Variants in LARP4 observed in about 807,000 individuals in gnomAD.
LARP4 encodes la-related protein 4.
Under a neutral mutation model 92.9 loss-of-function variants are expected in LARP4, and 29 were observed. The ratio of observed to expected loss-of-function variants is 0.31; its 90% CI spans 0.23 to 0.43. The LOEUF (loss-of-function observed/expected upper bound fraction) is 0.43, where lower values mean the gene tolerates loss of function less well. Among genes scored for constraint, LARP4 ranks in the 20% least tolerant of loss-of-function variants. The pLI is 1.00. For missense variants in LARP4, 732 were observed against 860.0 expected (o/e 0.85, Z 1.86); for synonymous variants, 279 against 284.1 (o/e 0.98, Z 0.18).
chr12:50,474,002 A>C lies in LARP4; in HGVS notation c.1671A>C (p.Thr557=), dbSNP rs201071881. The change falls in exon 15 of 16, where the codon ACA becomes ACC. Residue 557 remains threonine (T), a synonymous_variant. Transcript: ENST00000398473. ...PCAAELTALS[T]TQQEKDLIED... ...TTGCAAGCTCTTTTTTCCTTAGCAC[A>C]ACTCAGCAAGAAAAGGATCTAATAG... 1.0e-4 allele frequency: 169 copies of C among 1,611,142 alleles called. No homozygotes were observed. The highest frequency in any genetic ancestry group is 1.4e-4 in the Non-Finnish European group (162 of 1,179,632).
At chr12:50,406,755 T>A (rs1477124348) in intron 1 of LARP4, among the ~76,000 whole-genome samples, 1 of 152,038 alleles carries the variant, frequency 6.6e-6, no homozygotes. Flanking sequence ...CTTGCTCTGT[T>A]GCCCAGGCTG....
Position 50,427,792 on chromosome 12 carries a change from C to A in LARP4, c.49C>A (p.Pro17Thr). The change falls in exon 2 of 16, where the codon CCT becomes ACT. Residue 17 changes from proline to threonine, a missense_variant. Around this residue, in one of 7 missense-constraint regions of LARP4, gnomAD observed 236 missense variants for 307.6 expected, o/e 0.77. Transcript: ENST00000398473. Reference sequence around the variant, plus strand: ...AGCATCTAAAGGAACTGGTTTAAATCCTAATGCCAAAGTATGGCAAGAAAT... The same window carrying A: ...AGCATCTAAAGGAACTGGTTTAAATACTAATGCCAAAGTATGGCAAGAAAT... ...QVASKGTGLN[P>T]NAKVWQEIAP... 1 of 1,596,058 alleles carries A rather than the reference C, an allele frequency of 6.3e-7. No individual in the cohort carries two copies. The highest frequency in any genetic ancestry group is 8.6e-7 in the Non-Finnish European group (1 of 1,168,288).
intron 1 of LARP4, among the ~76,000 whole-genome samples, chr12:50,406,756 G>C (rs1263674756): frequency 6.6e-6 from 1 of 152,118 alleles, no homozygotes; most frequent in Non-Finnish European, 1.5e-5. Context: ...TTGCTCTGTT[G>C]CCCAGGCTGG....
intron 13 of LARP4, among the ~76,000 whole-genome samples, chr12:50,468,559 A>C (rs1956489581): frequency 6.6e-6 from 1 of 151,928 alleles, no homozygotes; most frequent in Admixed American, 6.6e-5. Flanking sequence ...GGCCTCCCAA[A>C]GTGCTGGGAT....
chr12:50,410,105 G>C (rs1230317505), intron 1 of LARP4, among the ~76,000 whole-genome samples: 2 of 148,468 alleles, frequency 1.3e-5, no homozygotes, highest in African/African-American at 5.0e-5. Flanking sequence ...AAAAAAAAAA[G>C]AACTATTTTG....
rs770740498 is a variant in LARP4 at position 50,437,808 on chromosome 12, TAGAG to T, written c.613_616del (p.Glu205PhefsTer7). The T allele has an allele frequency of 1.2e-6, 2 of 1,606,278 alleles. No individual in the cohort carries two copies. The highest frequency in any genetic ancestry group is 1.7e-5 in the Admixed American group (1 of 59,970). ...GTCATAAGCGTTGTATTGTAATTCT[TAGAG>T]AGATTCCTGAAACAACACCAATAGA... On this transcript the variant is annotated frameshift_variant, in exon 6 of 16. Coordinates refer to ENST00000398473, the MANE Select transcript of LARP4 (RefSeq NM_052879.5). LOFTEE classifies it high-confidence loss of function.
intron 1 of LARP4, among the ~76,000 whole-genome samples, chr12:50,405,179 G>C (rs567584929): frequency 7.9e-5 from 12 of 151,950 alleles, no homozygotes; most frequent in Non-Finnish European, 2.9e-5. Flanking sequence ...GATTATAGGC[G>C]TGAGCCACCG....
chr12:50,450,097 C>T (rs1280281151), intron 8 of LARP4, among the ~76,000 whole-genome samples: 1 of 151,918 alleles, frequency 6.6e-6, no homozygotes, highest in East Asian at 1.9e-4. Context: ...CCACGCCCAG[C>T]TAATTTTTTG....
intron 1 of LARP4, among the ~76,000 whole-genome samples, chr12:50,426,684 GGT>G (rs762987529): frequency 0.11 from 9,377 of 86,006 alleles, 557 homozygotes; most frequent in Non-Finnish European, 0.14. Flanking sequence ...TTATGTTTGG[GGT>G]GTGTGTGTGT....
At chr12:50,466,630 A>G (rs1956187203) in intron 12 of LARP4, among the ~76,000 whole-genome samples, 1 of 152,106 alleles carries the variant, frequency 6.6e-6, no homozygotes, top group African/African-American at 2.4e-5. Context: ...AAAAGAGTTG[A>G]TAGCAAATTT....
chr12:50,472,049 CA>C (rs1956993808), intron 13 of LARP4, among the ~76,000 whole-genome samples: 1 of 152,068 alleles, frequency 6.6e-6, no homozygotes. Context: ...ATCTAGCTTC[CA>C]GATCATGTTC....
chr12:50,425,094 C>T (rs914600257), intron 1 of LARP4, among the ~76,000 whole-genome samples: 1 of 152,084 alleles, frequency 6.6e-6, no homozygotes, highest in Non-Finnish European at 1.5e-5. Context: ...TTGCAGTGAG[C>T]CAAGATTGCA....
intron 4 of LARP4, among the ~76,000 whole-genome samples, chr12:50,433,628 C>G (rs1950003436): frequency 6.7e-6 from 1 of 149,626 alleles, no homozygotes; most frequent in Non-Finnish European, 1.5e-5. Context: ...TTTTCAGATT[C>G]TTAAGGAATA....
chr12:50,443,891 G>A (rs1951624929), intron 8 of LARP4, among the ~76,000 whole-genome samples: 1 of 152,174 alleles, frequency 6.6e-6, no homozygotes, highest in Non-Finnish European at 1.5e-5. Flanking sequence ...GGGATTACAG[G>A]TGTGAGCCAC....
At chr12:50,466,714 TAAG>T (rs1956197810) in intron 12 of LARP4, among the ~76,000 whole-genome samples, 1 of 152,038 alleles carries the variant, frequency 6.6e-6, no homozygotes, top group Non-Finnish European at 1.5e-5. Context: ...TTAGAAGGCT[TAAG>T]GAGTATGGCA....
intron 1 of LARP4, among the ~76,000 whole-genome samples, chr12:50,420,348 A>C (rs922205974): frequency 3.3e-5 from 5 of 152,248 alleles, no homozygotes; most frequent in African/African-American, 1.2e-4. Flanking sequence ...AAAACTTGAT[A>C]CATGGAACAT....
rs1295776143 is a variant in LARP4 at position 50,453,609 on chromosome 12, G to A, written c.954G>A (p.Ser318=). 9 of 1,613,208 alleles carry A rather than the reference G, an allele frequency of 5.6e-6. No individual in the cohort carries two copies. The highest frequency in any genetic ancestry group is 7.6e-6 in the Non-Finnish European group (9 of 1,179,504). The part of the protein sequence containing the change: ...QPVYNPHQQY[S]VYSIVPQSWS... ...TATATAATCCTCACCAACAGTACTCGGTCTATAGTATTGTGCCTCAGTCTT... is the reference window on the plus strand; with the variant it reads ...TATATAATCCTCACCAACAGTACTCAGTCTATAGTATTGTGCCTCAGTCTT... Residue 318 remains serine, a synonymous_variant, in exon 9 of 16, where the codon TCG becomes TCA. Transcript: ENST00000398473.
Position 50,478,140 on chromosome 12 carries a change from CCTT to C in LARP4, c.*2280_*2282del. On this transcript the variant is annotated 3_prime_UTR_variant, in exon 16 of 16. Transcript: ENST00000398473. ...TTGTAATTGAAATACAAGAAAAGAG[CCTT>C]CTTTTAGAAGAAAGCAAGTATATTT... The C allele has an allele frequency of 6.6e-6, 1 of 152,328 alleles. No individual in the cohort carries two copies. The highest frequency in any genetic ancestry group is 1.9e-4 in the East Asian group (1 of 5,200). 9.4% of individuals were successfully genotyped at this position (152,328 alleles called of 1,614,324 possible).
rs1375004043 is a variant in LARP4 at position 50,453,580 on chromosome 12, C to A, written c.925C>A (p.Pro309Thr). 6.2e-7 allele frequency: 1 copy of A among 1,613,158 alleles called. No individual in the cohort carries two copies. ...GTATGCCTCCCCAGTCTTTATGCAG[C>A]CTGTATATAATCCTCACCAACAGTA... The part of the protein sequence containing the change: ...AQYASPVFMQ[P>T]VYNPHQQYSV... The change falls in exon 9 of 16, where the codon CCT becomes ACT. Residue 309 changes from proline (P) to threonine (T), a missense_variant. Pro to Thr is a conservative substitution (Grantham distance 38). Transcript: ENST00000398473.
Sources: gnomAD v4.1 joint callset for allele counts (sites outside exome capture counted in the v4.1 genomes callset) on GRCh38, gnomAD v4.1.1 for gene constraint, gnomAD v4.1.1 regional missense constraint, MANE v1.5 for transcripts, NCBI Gene and HGNC (gene_info 2026-07-23, HGNC 2026-07-21) for gene names.